Variants in POLR2B observed in about 807,000 individuals in gnomAD.
POLR2B encodes DNA-directed RNA polymerase II subunit RPB2.
In POLR2B, 57 loss-of-function variants were observed where a neutral mutation model predicts 144.6. The ratio of observed to expected loss-of-function variants is 0.39; its 90% CI spans 0.32 to 0.49. POLR2B has a LOEUF of 0.49. POLR2B is among the 20% of genes least tolerant of loss of function. The pLI, the probability that POLR2B is intolerant of heterozygous loss-of-function variation, is 0.83. For synonymous variants in POLR2B, 442 were observed against 469.8 expected (o/e 0.94, Z 0.77); for missense variants, 595 against 1,467.4 (o/e 0.41, Z 9.71).
At chr4:57,015,370 A>C (rs1180907967) in intron 13 of POLR2B, 132 bp from the exon 14 acceptor site, 1 of 435,790 alleles carries the variant, frequency 2.3e-6, no homozygotes, top group Non-Finnish European at 4.0e-6. Flanking sequence ...ATGGTAAACT[A>C]AGATTTGCAC....
At chr4:56,998,206 A>AT (rs1294295195) in intron 6 of POLR2B, among the ~76,000 whole-genome samples, 6 of 150,532 alleles carry the variant, frequency 4.0e-5, no homozygotes, top group Non-Finnish European at 7.4e-5. Flanking sequence ...TGTTGTAGAC[A>AT]TTTTTTTTCT....
intron 17 of POLR2B, among the ~76,000 whole-genome samples, chr4:57,021,697 C>T (rs964743956): frequency 2.0e-5 from 3 of 151,966 alleles, no homozygotes; most frequent in African/African-American, 7.3e-5. Context: ...GACGGGGTTT[C>T]ACCATGTTGG....
chr4:57,023,284 A>G lies in POLR2B; in HGVS notation c.2516-46A>G, dbSNP rs996651705. ...AACTGATTCATGTATGTGGTTTTTAATCTTTGTTGGGGATTATGTGACATT... is the reference window on the plus strand; with the variant it reads ...AACTGATTCATGTATGTGGTTTTTAGTCTTTGTTGGGGATTATGTGACATT... On this transcript the variant is annotated intron_variant, in intron 18 of 24. Coordinates refer to ENST00000314595, the MANE Select transcript of POLR2B (RefSeq NM_000938.3). This position sits in a 1 kb window ranked among gnomAD's most constrained non-coding sequence, Gnocchi z 4.3. 6.2e-7 allele frequency: 1 copy of G among 1,602,172 alleles called. No homozygotes were observed. Among genetic ancestry groups the G allele is most frequent in the South Asian group, 1.1e-5 (1 of 89,634 alleles).
At chr4:56,981,028 C>A (rs1722141571) in intron 1 of POLR2B, among the ~76,000 whole-genome samples, 1 of 152,048 alleles carries the variant, frequency 6.6e-6, no homozygotes, top group South Asian at 2.1e-4. Flanking sequence ...ATCTCAAACT[C>A]CTGACCTCAG....
chr4:56,996,526 C>T lies in POLR2B; in HGVS notation c.735+1117C>T, dbSNP rs1016652012. ...GTCTCGATCTCCTGACCTCGTGATC[C>T]GCCCGCCTCGGCCTCCAAAAGTGCT... On this transcript the variant is annotated intron_variant, in intron 6 of 24. Transcript: ENST00000314595. Among the ~76,000 whole-genome samples, 9 of 151,322 alleles carry T rather than the reference C, an allele frequency of 5.9e-5. No homozygotes were observed. The East Asian group carries it at 1.2e-3, about 20-fold the overall frequency.
chr4:57,025,031 C>CT, intron 22 of POLR2B, 32 bp downstream of exon 22: 2 of 1,108,212 alleles, frequency 1.8e-6, no homozygotes, highest in East Asian at 4.8e-5. Flanking sequence ...TAATTTGCCA[C>CT]TTGTTTTTTT....
At chr4:56,985,487 G>C in intron 1 of POLR2B, 4 of 983,920 alleles carry the variant, frequency 4.1e-6, no homozygotes, top group Non-Finnish European at 4.8e-6. Context: ...TGCAACCTCT[G>C]TCTCCTGGGT....
rs958428979 is a variant in POLR2B, at chr4:57,017,664, T to C, written c.2259T>C (p.Tyr753=). 13 of 1,613,890 alleles carry C rather than the reference T, an allele frequency of 8.1e-6. No individual in the cohort carries two copies. Among genetic ancestry groups the C allele is most frequent in the Non-Finnish European group, 1.1e-5 (13 of 1,179,808 alleles). ...RMDTLAHVLY[Y]PQKPLVTTRS... ...ACACATTGGCCCATGTTCTCTATTA[T>C]CCTCAAAAGCCACTTGTGACTACAC... is the stretch of plus-strand genomic sequence containing the variant. The change falls in exon 16 of 25, where the codon TAT becomes TAC. Residue 753 remains tyrosine (Y), a synonymous_variant. Transcript: ENST00000314595. This position sits in a 1 kb window ranked among gnomAD's most constrained non-coding sequence, Gnocchi z 4.8.
chr4:57,015,453 TAAAGAG>T (rs1723334573), intron 13 of POLR2B, 43 bp from the exon 14 acceptor site: 2 of 1,037,042 alleles, frequency 1.9e-6, no homozygotes, highest in African/African-American at 3.3e-5. Flanking sequence ...AGCCTAATAA[TAAAGAG>T]AAAATAAAAA....
chr4:57,014,769 G>T (rs1723314562), intron 13 of POLR2B, among the ~76,000 whole-genome samples: 2 of 130,070 alleles, frequency 1.5e-5, no homozygotes, highest in South Asian at 2.5e-4. Context: ...CTCCCAGAGT[G>T]CGGGATTACA....
At chr4:56,985,293 GGC>G in intron 1 of POLR2B, 7 of 982,158 alleles carry the variant, frequency 7.1e-6, no homozygotes, top group Non-Finnish European at 8.5e-6. Context: ...GGAGTGCAGT[GGC>G]GCGATCTCAG....
intron 21 of POLR2B, 149 bp from the exon 22 acceptor site, chr4:57,024,737 T>C (rs1300279639): frequency 1.2e-5 from 7 of 560,704 alleles, no homozygotes; most frequent in African/African-American, 2.0e-5. Context: ...AGATTTTGAG[T>C]TCAAAATCTT....
intron 13 of POLR2B, among the ~76,000 whole-genome samples, chr4:57,011,450 C>A (rs564259331): frequency 6.6e-6 from 1 of 152,270 alleles, no homozygotes; most frequent in African/African-American, 2.4e-5. Flanking sequence ...ATCACTTGAA[C>A]CCGGGAGGCG....
intron 3 of POLR2B, among the ~76,000 whole-genome samples, chr4:56,992,001 A>C (rs1722520902): frequency 6.6e-6 from 1 of 152,162 alleles, no homozygotes; most frequent in African/African-American, 2.4e-5. Flanking sequence ...AACAAGCCAG[A>C]TAACAATATA....
intron 7 of POLR2B, chr4:57,002,602 G>C (rs1342885985): frequency 2.0e-5 from 3 of 151,674 alleles, no homozygotes; most frequent in Non-Finnish European, 4.4e-5. Context: ...TTGATTTACT[G>C]TACTATCTGT....
At chr4:56,980,350 G>GA (rs1413784033) in intron 1 of POLR2B, among the ~76,000 whole-genome samples, 11 of 151,380 alleles carry the variant, frequency 7.3e-5, no homozygotes, top group Non-Finnish European at 1.3e-4. Context: ...AGAAAAATTC[G>GA]AAAAAAAAGA....
intron 13 of POLR2B, among the ~76,000 whole-genome samples, chr4:57,014,110 T>C (rs114453502): frequency 6.6e-6 from 1 of 152,242 alleles, no homozygotes; most frequent in East Asian, 1.9e-4. Flanking sequence ...CTTAAATTAC[T>C]TTCTAAGGAC....
intron 1 of POLR2B, 151 bp downstream of exon 1, chr4:56,979,155 G>A: frequency 3.7e-6 from 3 of 818,828 alleles, no homozygotes; most frequent in Non-Finnish European, 6.4e-6. Context: ...GAACGAAACT[G>A]GGGTAGGGAG....
intron 23 of POLR2B, among the ~76,000 whole-genome samples, chr4:57,026,280 A>T (rs111869934): frequency 4.9e-4 from 75 of 151,886 alleles, no homozygotes; most frequent in African/African-American, 1.8e-3. Flanking sequence ...GGGTCTCACT[A>T]TGTTGCCCAG....
Sources: gnomAD v4.1 joint callset for allele counts (sites outside exome capture counted in the v4.1 genomes callset) on GRCh38, gnomAD v4.1.1 for gene constraint, Gnocchi (gnomAD v3.1) non-coding constraint, MANE v1.5 for transcripts, NCBI Gene and HGNC (gene_info 2026-07-23, HGNC 2026-07-21) for gene names.